The following SLC4A4 variants were observed in gnomAD, a reference collection of about 807,000 sequenced individuals.
SLC4A4 encodes the protein solute carrier family 4 member 4, also known as electrogenic sodium bicarbonate cotransporter 1.
In SLC4A4, 27 loss-of-function variants were observed where a neutral mutation model predicts 111.5. The ratio of observed to expected loss-of-function variants is 0.24; its 90% confidence interval spans 0.18 to 0.33. SLC4A4 has a LOEUF of 0.33. Ranked by LOEUF, SLC4A4 falls within the 10% of genes least tolerant of loss-of-function variation. The pLI is 1.00. For synonymous variants in SLC4A4, 443 were observed against 463.4 expected, an observed-to-expected ratio of 0.96 and a Z score of 0.57; for missense variants, 909 against 1,315.5, an observed-to-expected ratio of 0.69 and a Z score of 4.78.
intron 8 of SLC4A4, among the ~76,000 whole-genome samples, chr4:71,441,825 A>G (rs1473601765): frequency 1.3e-5 from 2 of 152,242 alleles, no homozygotes; most frequent in African/African-American, 4.8e-5. Context: ...TTAAAATAGG[A>G]ATGATACATA....
intron 1 of SLC4A4, among the ~76,000 whole-genome samples, chr4:71,211,460 A>G (rs1718126024): frequency 1.3e-5 from 2 of 152,228 alleles, no homozygotes; most frequent in South Asian, 4.1e-4. Flanking sequence ...ACCAGGAGGT[A>G]GAAGGATACT....
intron 1 of SLC4A4, among the ~76,000 whole-genome samples, chr4:71,085,882 T>C (rs1742153553): frequency 6.6e-6 from 1 of 152,054 alleles, no homozygotes; most frequent in South Asian, 2.1e-4. Flanking sequence ...GACTTGGCAA[T>C]GTGGGCTCTT....
At position 71,220,297 on chromosome 4, in the gene SLC4A4, G is replaced by A. The variant is rs564805249; in HGVS notation, c.-1-16279G>A. Among the ~76,000 whole-genome samples, 3 of 152,270 alleles carry A rather than the reference G, an allele frequency of 2.0e-5. No homozygotes were observed. In the East Asian group the frequency reaches 5.8e-4, roughly 29 times the overall value. ...ATACAGAATTTTAAAATTAAGGTAT[G>A]TGCATTTTTTAGACATAATGCTATT... On this transcript the variant is annotated intron_variant, in intron 1 of 25. Coordinates refer to ENST00000264485, the MANE Select transcript of SLC4A4 (RefSeq NM_001098484.3).
At chr4:71,495,157 T>A (rs1423919387) in intron 15 of SLC4A4, among the ~76,000 whole-genome samples, 1 of 152,088 alleles carries the variant, frequency 6.6e-6, no homozygotes, top group Non-Finnish European at 1.5e-5. Context: ...GCATTTTAAG[T>A]TGATGTAAGC....
chr4:71,165,099 TTGG>T (rs1345896349), intron 2 of SLC4A4, among the ~76,000 whole-genome samples: 9 of 146,112 alleles, frequency 6.2e-5, no homozygotes, highest in Admixed American at 4.3e-4. Context: ...TTTTTCACTG[TTGG>T]TGGGAGTGTA....
intron 3 of SLC4A4, among the ~76,000 whole-genome samples, chr4:71,326,714 G>A (rs1392309128): frequency 6.6e-6 from 1 of 152,002 alleles, no homozygotes; most frequent in East Asian, 1.9e-4. Context: ...GGCAGCTGTT[G>A]GAGCCATTTG....
intron 3 of SLC4A4, among the ~76,000 whole-genome samples, chr4:71,330,288 T>C (rs1727862530): frequency 1.3e-5 from 2 of 152,182 alleles, no homozygotes; most frequent in Non-Finnish European, 2.9e-5. Flanking sequence ...GATTTGCCTT[T>C]GGTTTTGGTA....
At chr4:71,238,004 T>A (rs1399162090) in intron 2 of SLC4A4, among the ~76,000 whole-genome samples, 2 of 152,162 alleles carry the variant, frequency 1.3e-5, no homozygotes, top group Non-Finnish European at 2.9e-5. Flanking sequence ...TGATGTTAAA[T>A]CATCATTTTA....
At chr4:71,368,047 G>A (rs1158443930) in intron 6 of SLC4A4, among the ~76,000 whole-genome samples, 2 of 152,136 alleles carry the variant, frequency 1.3e-5, no homozygotes, top group Non-Finnish European at 2.9e-5. Context: ...TCTTTATTAA[G>A]TCAAATTGCA....
rs546309137 is a variant in SLC4A4 at position 71,072,593 on chromosome 4, C to T, written c.-65+9805C>T. On this transcript the variant is annotated intron_variant, in intron 1 of 26. Transcript: ENST00000649996. ...TTCCTTTTAATATGCACTTTAGATA[C>T]AGCTTGCTATTTTTCTAACAAAAAT... Among the ~76,000 whole-genome samples the T allele has an allele frequency of 1.7e-3, 252 of 151,724 alleles. 2 individuals are homozygous for T. The highest frequency in any genetic ancestry group is 4.5e-3 in the African/African-American group (186 of 41,372).
chr4:71,260,577 A>G (rs1721786772), intron 3 of SLC4A4, among the ~76,000 whole-genome samples: 1 of 152,216 alleles, frequency 6.6e-6, no homozygotes, highest in Non-Finnish European at 1.5e-5. Flanking sequence ...AGGAGGAAGT[A>G]CTTTGTCTTT....
intron 8 of SLC4A4, 129 bp from the exon 9 acceptor site, chr4:71,447,517 T>G (rs1001486951): frequency 1.4e-6 from 1 of 709,092 alleles, no homozygotes; most frequent in Non-Finnish European, 2.6e-6. Flanking sequence ...AATAATATAT[T>G]ACCTTTGTTT....
At chr4:71,414,360 G>T (rs1721654101) in intron 7 of SLC4A4, among the ~76,000 whole-genome samples, 1 of 152,168 alleles carries the variant, frequency 6.6e-6, no homozygotes, top group African/African-American at 2.4e-5. Flanking sequence ...AGCTTTGTTG[G>T]GTTCATAAAC....
intron 2 of SLC4A4, among the ~76,000 whole-genome samples, chr4:71,140,926 A>G (rs1743977134): frequency 6.6e-6 from 1 of 152,224 alleles, no homozygotes; most frequent in African/African-American, 2.4e-5. Context: ...AAGTTATGTT[A>G]TAATTTATGA....
intron 2 of SLC4A4, among the ~76,000 whole-genome samples, chr4:71,140,914 C>A (rs7694784): frequency 0.73 from 111,574 of 152,076 alleles, 42,689 homozygotes; most frequent in Admixed American, 0.84. Flanking sequence ...TTGTGGGATA[C>A]AAAGTTATGT....
At chr4:71,156,254 G>A (rs963460264) in intron 2 of SLC4A4, among the ~76,000 whole-genome samples, 1 of 152,108 alleles carries the variant, frequency 6.6e-6, no homozygotes, top group Non-Finnish European at 1.5e-5. Context: ...AAGTTTTGGT[G>A]AACCTCAGAA....
intron 7 of SLC4A4, among the ~76,000 whole-genome samples, chr4:71,408,407 A>C (rs1721065050): frequency 6.6e-6 from 1 of 152,120 alleles, no homozygotes; most frequent in South Asian, 2.1e-4. Context: ...CTTCATCATC[A>C]TTGCCATTTT....
At chr4:71,240,245 A>T (rs1720101254) in intron 2 of SLC4A4, among the ~76,000 whole-genome samples, 1 of 152,198 alleles carries the variant, frequency 6.6e-6, no homozygotes, top group African/African-American at 2.4e-5. Flanking sequence ...CAGATTACTT[A>T]ATAGTCTCAT....
intron 1 of SLC4A4, among the ~76,000 whole-genome samples, chr4:71,223,484 G>A (rs930684698): frequency 1.3e-5 from 2 of 152,098 alleles, no homozygotes; most frequent in African/African-American, 4.8e-5. Flanking sequence ...TCTTTTATTT[G>A]AGATGCAGAG....
Sources: gnomAD v4.1 joint callset for allele counts (sites outside exome capture counted in the v4.1 genomes callset) on GRCh38, gnomAD v4.1.1 for gene constraint, MANE v1.5 for transcripts, NCBI Gene and HGNC (gene_info 2026-07-23, HGNC 2026-07-21) for gene names.